The following NKD2 variants were observed in gnomAD, a reference collection of about 807,000 sequenced individuals.
NKD2 encodes NKD inhibitor of Wnt signaling pathway 2, also known as protein naked cuticle homolog 2.
Under a neutral mutation model 34.8 loss-of-function variants are expected in NKD2, and 43 were observed. That is an observed-to-expected ratio of 1.24 (90% confidence interval 0.97 to 1.60). NKD2 has a LOEUF of 1.60. Ranked by LOEUF, NKD2 falls within the 40% of genes most tolerant of loss-of-function variation. NKD2 has a pLI of 0.00. For synonymous variants in NKD2, 278 were observed against 265.1 expected (o/e 1.05, Z -0.47); for missense variants, 675 against 627.1 (o/e 1.08, Z -0.82).
At position 1,009,252 on chromosome 5, in the gene NKD2, G is replaced by A; in HGVS notation, c.61+38G>A. On this transcript the variant is annotated intron_variant, in intron 2 of 9. Transcript: ENST00000296849. This position sits in a 1 kb window ranked among gnomAD's most constrained non-coding sequence, Gnocchi z 6.9. ...GCCGACGGGCGGGGCGGGGGGCGGC[G>A]ACCCGGCCCGGGACCCTCAGAGCTA... 4.1e-6 allele frequency: 2 copies of A among 486,648 alleles called. No homozygotes were observed. The highest frequency in any genetic ancestry group is 3.3e-5 in the South Asian group (1 of 30,574). The allele number at this position is 486,648 out of a possible 1,614,324, so 30.1% of individuals were successfully genotyped here.
intron 9 of NKD2, chr5:1,036,657 G>T (rs543011761): frequency 1.8e-5 from 11 of 603,378 alleles, no homozygotes; most frequent in South Asian, 1.6e-4. Flanking sequence ...GGGGTGCCTG[G>T]TTCAAAGTGA....
intron 3 of NKD2, among the ~76,000 whole-genome samples, chr5:1,019,406 C>G (rs912549714): frequency 4.6e-5 from 7 of 152,168 alleles, no homozygotes; most frequent in African/African-American, 7.2e-5. Flanking sequence ...TGGGCTGTGG[C>G]TTGTGTGGAC....
Position 1,009,485 on chromosome 5 carries a change from C to G in NKD2, c.66C>G (p.Asp22Glu), listed in dbSNP as rs1755661189. The G allele has an allele frequency of 6.7e-7, 1 of 1,500,646 alleles. No individual in the cohort carries two copies. Among genetic ancestry groups the G allele is most frequent in the South Asian group, 1.2e-5 (1 of 80,652 alleles). The allele number at this position is 1,500,646 out of a possible 1,614,324, so 93.0% of individuals were successfully genotyped here. The change falls in exon 3 of 10, where the codon GAC (aspartate) becomes GAG (glutamate). Residue 22 changes from aspartate (D) to glutamate (E), a missense_variant. Physicochemically the swap from Asp to Glu is conservative, Grantham distance 45 (BLOSUM62 2). Transcript: ENST00000296849. This position sits in a 1 kb window ranked among gnomAD's most constrained non-coding sequence, Gnocchi z 6.9. ...ARKRRESPEG[D>E]SFVASAYASG... Reference sequence around the variant, plus strand: ...GCGTCCGCCCCCGGACCGCAGGGGACAGCTTCGTGGCGTCCGCGTACGCGA... The same window carrying G: ...GCGTCCGCCCCCGGACCGCAGGGGAGAGCTTCGTGGCGTCCGCGTACGCGA...
chr5:1,030,545 G>GAAAT (rs146113199), intron 3 of NKD2, among the ~76,000 whole-genome samples: 13 of 152,178 alleles, frequency 8.5e-5, no homozygotes, highest in South Asian at 2.1e-4. Context: ...TTCTGATTTT[G>GAAAT]AAATAAATAA....
At chr5:1,013,219 A>T (rs991143504) in intron 3 of NKD2, among the ~76,000 whole-genome samples, 1 of 152,158 alleles carries the variant, frequency 6.6e-6, no homozygotes, top group Non-Finnish European at 1.5e-5. Context: ...CTGAGGGCCA[A>T]CCTTCTGTCT....
chr5:1,024,602 A>G lies in NKD2; in HGVS notation c.142-7550A>G, dbSNP rs372533457. 3.1e-3 allele frequency among the ~76,000 whole-genome samples: 111 copies of G among 35,614 alleles called. 2 individuals are homozygous for G. Among genetic ancestry groups the G allele is most frequent in the African/African-American group, 0.014 (89 of 6,492 alleles). 23.4% of individuals were successfully genotyped at this position (35,614 alleles called of 152,430 possible). ...CCTGCTCTTCCCACTCTCTGTGGGC[A>G]TCCCAGCCCATTGTCCCTGCTCTTC... On this transcript the variant is annotated intron_variant, in intron 3 of 9. Coordinates refer to ENST00000296849, the MANE Select transcript of NKD2 (RefSeq NM_033120.4).
intron 3 of NKD2, among the ~76,000 whole-genome samples, chr5:1,016,458 C>A (rs1172527073): frequency 6.6e-6 from 1 of 152,242 alleles, no homozygotes; most frequent in East Asian, 1.9e-4. Flanking sequence ...TTTTGTTCTG[C>A]AGAATTTTCC....
At chr5:1,020,311 A>G (rs1188976073) in intron 3 of NKD2, among the ~76,000 whole-genome samples, 1 of 152,140 alleles carries the variant, frequency 6.6e-6, no homozygotes, top group Non-Finnish European at 1.5e-5. Flanking sequence ...GTGTTCACAT[A>G]TGTGAGTACA....
At chr5:1,035,183 T>TGA (rs1430142658) in intron 7 of NKD2, among the ~76,000 whole-genome samples, 1 of 150,386 alleles carries the variant, frequency 6.6e-6, no homozygotes, top group Non-Finnish European at 1.5e-5. Flanking sequence ...AATGAATGAG[T>TGA]GAGTTAATGA....
intron 3 of NKD2, among the ~76,000 whole-genome samples, chr5:1,030,020 G>GA (rs200617808): frequency 6.6e-6 from 1 of 150,436 alleles, no homozygotes; most frequent in Non-Finnish European, 1.5e-5. Flanking sequence ...TGGTGCGGGG[G>GA]GGGGGGTACT....
At chr5:1,027,972 A>G (rs574981343) in intron 3 of NKD2, among the ~76,000 whole-genome samples, 18 of 152,314 alleles carry the variant, frequency 1.2e-4, no homozygotes, top group Non-Finnish European at 1.9e-4. Context: ...TCTGGGGGGC[A>G]GTGGTGCTCC....
rs750686664 is a variant in NKD2, at chr5:1,038,243, A to G, written c.1226A>G (p.Glu409Gly). The G allele has an allele frequency of 1.0e-5, 16 of 1,588,498 alleles. No individual in the cohort carries two copies. Among genetic ancestry groups the G allele is most frequent in the Admixed American group, 5.2e-5 (3 of 57,468 alleles). ...GCTCAGCCTGCCACAGTGGAGCACG[A>G]GGTGGTGCGGGACCTGCCGCCCACG... is the stretch of plus-strand genomic sequence containing the variant. ...PHAQPATVEH[E>G]VVRDLPPTPA... Residue 409 changes from glutamate (E) to glycine (G), a missense_variant, in exon 10 of 10, where the codon GAG becomes GGG. Transcript: ENST00000296849. This position sits in a 1 kb window ranked among gnomAD's most constrained non-coding sequence, Gnocchi z 4.5.
At chr5:1,035,290 A>G (rs1733834268) in intron 7 of NKD2, 99 bp from the exon 8 acceptor site, 2 of 961,612 alleles carry the variant, frequency 2.1e-6, no homozygotes, top group Non-Finnish European at 3.2e-6. Context: ...GAGTTAATGA[A>G]TGAATGAATG....
rs1472712161 is a variant in NKD2 at position 1,026,397 on chromosome 5, C to T, written c.142-5755C>T. ...CGGCCCATTGTCCCTGCTCTTCCCA[C>T]CCGCTGTGGGCGTCCCAGCCCTTTT... On this transcript the variant is annotated intron_variant, in intron 3 of 9. Transcript: ENST00000296849. Among the ~76,000 whole-genome samples, 2 of 94,246 alleles carry T rather than the reference C, an allele frequency of 2.1e-5. 1 individual carries two copies. Among genetic ancestry groups the T allele is most frequent in the African/African-American group, 7.8e-5 (2 of 25,724 alleles). 61.8% of individuals were successfully genotyped at this position (94,246 alleles called of 152,430 possible).
intron 9 of NKD2, among the ~76,000 whole-genome samples, chr5:1,037,278 A>C: frequency 6.6e-6 from 1 of 152,084 alleles, no homozygotes; most frequent in East Asian, 1.9e-4. Context: ...AGGAGTCCCC[A>C]GGGGCAGGAG....
In NKD2 at chr5:1,029,316, G is replaced by T. The variant is rs72707204; in HGVS notation, c.142-2836G>T. ...TAGGAACTCAGTCATGGGCTGGTTG[G>T]TGTAGTATTGGCTGGTTGATACAGC... On this transcript the variant is annotated intron_variant, in intron 3 of 9. Transcript: ENST00000296849. 6.2e-4 allele frequency among the ~76,000 whole-genome samples: 94 copies of T among 152,334 alleles called. 4 individuals are homozygous for T. The South Asian group carries it at 0.018, about 30-fold the overall frequency.
chr5:1,030,674 G>A (rs757372357), intron 3 of NKD2, among the ~76,000 whole-genome samples: 3 of 152,190 alleles, frequency 2.0e-5, no homozygotes, highest in East Asian at 1.9e-4. Context: ...AGGCCTCGCC[G>A]GGCTGGGCTC....
At chr5:1,019,749 G>GA (rs1240227713) in intron 3 of NKD2, among the ~76,000 whole-genome samples, 1 of 151,872 alleles carries the variant, frequency 6.6e-6, no homozygotes, top group South Asian at 2.1e-4. Flanking sequence ...TTCCAAATTA[G>GA]AAAAAAGAAA....
At chr5:1,021,281 T>A (rs915765934) in intron 3 of NKD2, among the ~76,000 whole-genome samples, 2 of 151,914 alleles carry the variant, frequency 1.3e-5, no homozygotes, top group Non-Finnish European at 2.9e-5. Flanking sequence ...AGGGCTTATG[T>A]GGGAAGCCCG....
Sources: gnomAD v4.1 joint callset for allele counts (sites outside exome capture counted in the v4.1 genomes callset) on GRCh38, gnomAD v4.1.1 for gene constraint, Gnocchi (gnomAD v3.1) non-coding constraint, MANE v1.5 for transcripts, NCBI Gene and HGNC (gene_info 2026-07-23, HGNC 2026-07-21) for gene names.